The following ZNF329 variants were observed in gnomAD, a reference collection of about 807,000 sequenced individuals.
ZNF329 encodes the protein zinc finger protein 329.
Under a neutral mutation model 26.6 loss-of-function variants are expected in ZNF329, and 15 were observed. The ratio of observed to expected loss-of-function variants is 0.56; its 90% confidence interval spans 0.38 to 0.87. The LOEUF is 0.87. Ranked by LOEUF, ZNF329 falls within the 40% of genes least tolerant of loss-of-function variation. ZNF329 has a pLI of 0.00. For missense variants in ZNF329, 651 were observed against 651.9 expected (o/e 1.00, Z 0.02); for synonymous variants, 239 against 233.5 (o/e 1.02, Z -0.21).
chr19:58,142,808 G>C (rs2075216413), intron 2 of ZNF329, 147 bp from the exon 3 acceptor site: 1 of 152,230 alleles, frequency 6.6e-6, no homozygotes, highest in Admixed American at 6.5e-5. Context: ...TTGGATGGTT[G>C]CTGACAGCTT....
At chr19:58,136,440 G>T (rs1202028799) in intron 3 of ZNF329, among the ~76,000 whole-genome samples, 1 of 151,972 alleles carries the variant, frequency 6.6e-6, no homozygotes, top group Non-Finnish European at 1.5e-5. Flanking sequence ...TTTAGAGGCT[G>T]AGGCAGGGAT....
In ZNF329 at chr19:58,147,119, C is replaced by T. The variant is rs1192787779; in HGVS notation, c.-208+3633G>A. On this transcript the variant is annotated intron_variant, in intron 1 of 3. Transcript: ENST00000598312. ...CTAGGAAGTGAGGAGCGTCTCTGCC[C>T]GGCCGCCCATCGTCTGAGATGTGGG... Among the ~76,000 whole-genome samples the T allele has an allele frequency of 9.3e-5, 14 of 150,168 alleles. No homozygotes were observed. The South Asian group carries it at 1.1e-3, about 11-fold the overall frequency.
rs1039903956 is a variant in ZNF329 at position 58,126,370 on chromosome 19, C to G, written c.*1508G>C. 3 of 152,190 alleles carry G rather than the reference C, an allele frequency of 2.0e-5. No homozygotes were observed. Among genetic ancestry groups the G allele is most frequent in the Admixed American group, 1.3e-4 (2 of 15,274 alleles). The allele number at this position is 152,190 out of a possible 1,614,324, so 9.4% of individuals were successfully genotyped here. A position where few individuals can be genotyped will look rare whatever the true frequency, so the allele number is the denominator to read the frequency against. ...AACCACATTTTATTTCTCCATCATC[C>G]ACTTTCAACATACATCCATATGTGC... On this transcript the variant is annotated 3_prime_UTR_variant, in exon 4 of 4. Transcript: ENST00000598312.
chr19:58,127,484 GAAAA>G lies in ZNF329; in HGVS notation c.*390_*393del. On this transcript the variant is annotated 3_prime_UTR_variant, in exon 4 of 4. Coordinates refer to ENST00000598312, the MANE Select transcript of ZNF329 (RefSeq NM_024620.4). Reference sequence around the variant, plus strand: ...GCCACTGCACAGTGAGACTCTGTCCGAAAAAAAAAAAAAAGTTGATTCAGTGTTT... The same window carrying G: ...GCCACTGCACAGTGAGACTCTGTCCGAAAAAAAAAAGTTGATTCAGTGTTT... 1 of 143,694 alleles carries G rather than the reference GAAAA, an allele frequency of 7.0e-6. No homozygotes were observed. Among genetic ancestry groups the G allele is most frequent in the East Asian group, 2.0e-4 (1 of 5,066 alleles). 8.9% of individuals were successfully genotyped at this position (143,694 alleles called of 1,614,324 possible). A position where few individuals can be genotyped will look rare whatever the true frequency, so the allele number is the denominator to read the frequency against.
upstream of ZNF329, among the ~76,000 whole-genome samples, chr19:58,154,111 C>A (rs796605371): frequency 1.3e-5 from 2 of 151,902 alleles, no homozygotes; most frequent in Non-Finnish European, 2.9e-5. Flanking sequence ...CCGGTTCAAG[C>A]GATTCTCCTG....
intron 3 of ZNF329, among the ~76,000 whole-genome samples, chr19:58,132,038 A>G (rs1173508485): frequency 6.9e-6 from 1 of 145,094 alleles, no homozygotes; most frequent in South Asian, 2.2e-4. Flanking sequence ...AAAAAAAAAA[A>G]GAAAGAAAAA....
At chr19:58,148,932 C>A (rs910697697) in intron 1 of ZNF329, among the ~76,000 whole-genome samples, 27 of 152,314 alleles carry the variant, frequency 1.8e-4, no homozygotes, top group Admixed American at 1.6e-3. Context: ...AAACCTCCAT[C>A]TTAAATGGGG....
At chr19:58,142,864 C>T (rs1022292980) in intron 2 of ZNF329, among the ~76,000 whole-genome samples, 6 of 152,094 alleles carry the variant, frequency 3.9e-5, no homozygotes, top group African/African-American at 1.4e-4. Context: ...CTGGGCAAGC[C>T]AACAAGAAAG....
At chr19:58,132,009 C>T (rs281061) in intron 3 of ZNF329, among the ~76,000 whole-genome samples, 102,272 of 141,764 alleles carry the variant, frequency 0.72, 38,276 homozygotes, top group Non-Finnish European at 0.84. Context: ...GGCAACAGGG[C>T]GAGACTCTGC....
At chr19:58,139,256 G>A (rs1366054603) in intron 3 of ZNF329, among the ~76,000 whole-genome samples, 2 of 151,680 alleles carry the variant, frequency 1.3e-5, no homozygotes, top group Non-Finnish European at 2.9e-5. Context: ...CACCAAATGG[G>A]AGAAAATATT....
chr19:58,141,720 C>T (rs374387084), intron 3 of ZNF329, among the ~76,000 whole-genome samples: 114 of 152,014 alleles, frequency 7.5e-4, no homozygotes, highest in African/African-American at 2.6e-3. Flanking sequence ...GGTGAAACCC[C>T]ATCTCTACTA....
chr19:58,151,494 G>A (rs989738666), upstream of ZNF329, among the ~76,000 whole-genome samples: 7 of 151,980 alleles, frequency 4.6e-5, no homozygotes, highest in Admixed American at 1.3e-4. Context: ...CCAGCTCCTC[G>A]GGAGGCTGAG....
At chr19:58,132,675 G>A (rs1469005963) in intron 3 of ZNF329, 22 of 124,386 alleles carry the variant, frequency 1.8e-4, no homozygotes, top group Middle Eastern at 4.7e-3. Context: ...GCGAGACTCC[G>A]TCTGAAAAAA....
intron 3 of ZNF329, among the ~76,000 whole-genome samples, chr19:58,134,491 G>A (rs1056700016): frequency 2.6e-5 from 4 of 152,230 alleles, no homozygotes; most frequent in African/African-American, 9.6e-5. Context: ...GTTTGTAACA[G>A]GTATTCCTAA....
At position 58,128,145 on chromosome 19, in the gene ZNF329, C is replaced by T; in HGVS notation, c.1359G>A (p.Lys453=). Residue 453 remains lysine, a synonymous_variant, in exon 4 of 4, where the codon AAG becomes AAA. Transcript: ENST00000598312. Reference sequence around the variant, plus strand: ...TGCCACACTGATTACACTCATAGGGCTTCTCACCAGTATGAGTCCTCTGGT... The same window carrying T: ...TGCCACACTGATTACACTCATAGGGTTTCTCACCAGTATGAGTCCTCTGGT... ...IRHQRTHTGE[K]PYECNQCGKA... is the part of the protein sequence containing the mutation. The T allele has an allele frequency of 1.9e-6, 3 of 1,588,538 alleles. No individual in the cohort carries two copies. The highest frequency in any genetic ancestry group is 2.2e-5 in the East Asian group (1 of 44,736).
At position 58,126,288 on chromosome 19, in the gene ZNF329, CA is replaced by C. The variant is rs767127760; in HGVS notation, c.*1589del. The C allele has an allele frequency of 1.3e-5, 2 of 152,142 alleles. No individual in the cohort carries two copies. Among genetic ancestry groups the C allele is most frequent in the Non-Finnish European group, 2.9e-5 (2 of 68,036 alleles). The allele number at this position is 152,142 out of a possible 1,614,324, so 9.4% of individuals were successfully genotyped here. A position where few individuals can be genotyped will look rare whatever the true frequency, so the allele number is the denominator to read the frequency against. On this transcript the variant is annotated 3_prime_UTR_variant, in exon 4 of 4. Transcript: ENST00000598312. ...TTAATTTATTACCAAATTATTATGC[CA>C]ACAAGTATCTGTAACAGAGAAAAAA...
intron 3 of ZNF329, among the ~76,000 whole-genome samples, chr19:58,135,541 T>C (rs1220119849): frequency 1.3e-5 from 2 of 152,170 alleles, no homozygotes; most frequent in African/African-American, 4.8e-5. Flanking sequence ...GCTGGGATTA[T>C]AGGCATGAGC....
chr19:58,141,361 C>T (rs1354298029), intron 3 of ZNF329, among the ~76,000 whole-genome samples: 2 of 149,184 alleles, frequency 1.3e-5, no homozygotes, highest in Middle Eastern at 3.7e-3. Context: ...TGCAGTGGAG[C>T]GATCTCAGCT....
chr19:58,152,619 A>G (rs2075477404), upstream of ZNF329, among the ~76,000 whole-genome samples: 1 of 152,170 alleles, frequency 6.6e-6, no homozygotes, highest in Non-Finnish European at 1.5e-5. Context: ...GCACTTTGGG[A>G]GGCCGAGGCA....
Sources: allele counts gnomAD v4.1 joint callset (sites outside exome capture counted in the v4.1 genomes callset), GRCh38; gene constraint gnomAD v4.1.1; transcripts MANE v1.5; gene names NCBI Gene and HGNC (gene_info 2026-07-23, HGNC 2026-07-21).